The following ITPR3 variants were observed in gnomAD, a reference collection of about 807,000 sequenced individuals.
ITPR3 encodes the protein inositol 1,4,5-trisphosphate-gated calcium channel ITPR3.
ITPR3 carries 173 observed loss-of-function variants against 293.2 expected under a neutral mutation model. The observed-to-expected ratio is 0.59, with a 90% CI of 0.52 to 0.67. ITPR3 has a LOEUF of 0.67. ITPR3 is among the 30% of genes least tolerant of loss of function. The pLI, the probability that ITPR3 is intolerant of heterozygous loss-of-function variation, is 0.00. For synonymous variants in ITPR3, 1,295 were observed against 1,444.4 expected (o/e 0.90, Z 2.35); for missense variants, 2,796 against 3,592.1 (o/e 0.78, Z 5.66).
chr6:33,626,545 G>A (rs1247125683), intron 1 of ITPR3, among the ~76,000 whole-genome samples: 1 of 152,216 alleles, frequency 6.6e-6, no homozygotes, highest in East Asian at 1.9e-4. Context: ...CCTCAGCCCA[G>A]AAGGCCCATC....
rs533957739 is a variant in ITPR3, at chr6:33,632,710, A to C, written c.90-7774A>C. ...CATCCTCCTGCTCCCTCTGCTGTTC[A>C]GACTGGTCTTGTGCCTCCCAGTGGA... is the stretch of plus-strand genomic sequence containing the variant. On this transcript the variant is annotated intron_variant, in intron 1 of 57. Transcript: ENST00000605930. This position sits in a 1 kb window ranked among gnomAD's most constrained non-coding sequence, Gnocchi z 4.1. Among the ~76,000 whole-genome samples, 29 of 152,320 alleles carry C rather than the reference A, an allele frequency of 1.9e-4. No homozygotes were observed. Among genetic ancestry groups the C allele is most frequent in the Non-Finnish European group, 4.0e-4 (27 of 68,030 alleles).
intron 30 of ITPR3, 41 bp downstream of exon 30, chr6:33,678,880 G>C: frequency 6.3e-7 from 1 of 1,576,512 alleles, no homozygotes. Flanking sequence ...TCTTGGGGTG[G>C]GGGACCGGAG....
In ITPR3 at chr6:33,678,632, A is replaced by C. The variant is rs1764979683; in HGVS notation, c.3772-7A>C. On this transcript the variant is annotated splice_polypyrimidine_tract_variant and splice_region_variant and intron_variant, in intron 29 of 57. Transcript: ENST00000605930. Reference sequence around the variant, plus strand: ...GATCTCTTTCTGACAGATGCCCCCCACTGCAGCTCCTGGAGGCAGAGACCA... The same window carrying C: ...GATCTCTTTCTGACAGATGCCCCCCCCTGCAGCTCCTGGAGGCAGAGACCA... 1 of 1,610,308 alleles carries C rather than the reference A, an allele frequency of 6.2e-7. No individual in the cohort carries two copies. Among genetic ancestry groups the C allele is most frequent in the South Asian group, 1.1e-5 (1 of 90,516 alleles).
chr6:33,641,861 A>T (rs1289495622), intron 2 of ITPR3, among the ~76,000 whole-genome samples: 2 of 151,828 alleles, frequency 1.3e-5, no homozygotes, highest in Non-Finnish European at 2.9e-5. Flanking sequence ...TTCCCTGACC[A>T]CTCAATACAA....
intron 1 of ITPR3, among the ~76,000 whole-genome samples, chr6:33,639,834 A>C (rs893521761): frequency 3.9e-5 from 6 of 152,102 alleles, no homozygotes; most frequent in Non-Finnish European, 7.4e-5. Context: ...CAAGAGATGC[A>C]AGATTAATGC....
At chr6:33,657,815 C>CTGTGTG (rs3831080) in intron 3 of ITPR3, 117 bp from the exon 4 acceptor site, 12 of 708,774 alleles carry the variant, frequency 1.7e-5, no homozygotes, top group South Asian at 5.1e-5. Flanking sequence ...TCCAGGGTGA[C>CTGTGTG]TGTGTGTGTG....
intron 16 of ITPR3, among the ~76,000 whole-genome samples, 160 bp downstream of exon 16, chr6:33,668,124 C>A (rs907083212): frequency 4.6e-5 from 7 of 152,208 alleles, no homozygotes; most frequent in African/African-American, 1.7e-4. Flanking sequence ...GCCTCCCTAG[C>A]CCTTCTCTGG....
chr6:33,621,735 G>C lies in ITPR3; in HGVS notation c.89+44G>C, dbSNP rs749543690. 6.9e-7 allele frequency: 1 copy of C among 1,457,980 alleles called. No individual in the cohort carries two copies. Among genetic ancestry groups the C allele is most frequent in the Non-Finnish European group, 9.4e-7 (1 of 1,058,676 alleles). The allele number at this position is 1,457,980 out of a possible 1,614,324, so 90.3% of individuals were successfully genotyped here. ...AGAGGGGCGCGGGTAAAGAGGGGGC[G>C]CCGTGGGCCCTGGTGCCAGCTGCGT... is the stretch of plus-strand genomic sequence containing the variant. On this transcript the variant is annotated intron_variant, in intron 1 of 57. Transcript: ENST00000605930. The surrounding 1 kb of genome is among the most constrained non-coding windows in gnomAD (Gnocchi z 7.7).
intron 6 of ITPR3, among the ~76,000 whole-genome samples, 167 bp downstream of exon 6, chr6:33,659,286 C>T (rs2127263692): frequency 6.6e-6 from 1 of 152,312 alleles, no homozygotes; most frequent in Non-Finnish European, 1.5e-5. Flanking sequence ...CCCTCATTCT[C>T]CACCCCACAG....
In ITPR3 at chr6:33,655,649, G is replaced by C. The variant is rs147568121; in HGVS notation, c.161-117G>C. The C allele has an allele frequency of 1.5e-6, 2 of 1,352,506 alleles. No homozygotes were observed. Among genetic ancestry groups the C allele is most frequent in the Non-Finnish European group, 2.0e-6 (2 of 981,444 alleles). The allele number at this position is 1,352,506 out of a possible 1,614,324, so 83.8% of individuals were successfully genotyped here. A position where few individuals can be genotyped will look rare whatever the true frequency, so the allele number is the denominator to read the frequency against. On this transcript the variant is annotated intron_variant, in intron 2 of 57. Coordinates refer to ENST00000605930, the MANE Select transcript of ITPR3 (RefSeq NM_002224.4). This position sits in a 1 kb window ranked among gnomAD's most constrained non-coding sequence, Gnocchi z 4.9. ...CAACCGCTTCCTCTCTACCTGCAGC[G>C]GGGAACGGGGGTGGGGAAGGGTTGG...
intron 31 of ITPR3, 37 bp downstream of exon 31, chr6:33,680,170 G>C: frequency 6.2e-7 from 1 of 1,602,158 alleles, no homozygotes; most frequent in African/African-American, 1.3e-5. Context: ...GGCTGGAGAT[G>C]GGGCGAAGGG....
chr6:33,636,879 C>T (rs1437747819), intron 1 of ITPR3, among the ~76,000 whole-genome samples: 2 of 152,084 alleles, frequency 1.3e-5, no homozygotes, highest in Admixed American at 1.3e-4. Context: ...TAAGCAGGTG[C>T]TGGAGGCCGG....
chr6:33,662,390 C>A (rs1467845888), intron 7 of ITPR3, 138 bp from the exon 8 acceptor site: 6 of 1,007,074 alleles, frequency 6.0e-6, no homozygotes, highest in Non-Finnish European at 8.6e-6. Context: ...GCTTGCATCC[C>A]CCTCTCTGTG....
In ITPR3 at chr6:33,678,536, C is replaced by T. The variant is rs866221796; in HGVS notation, c.3764C>T (p.Thr1255Met). The change falls in exon 29 of 58, where the codon ACG becomes ATG. Residue 1255 changes from threonine (T) to methionine (M), a missense_variant. Around this residue, in one of 8 missense-constraint regions of ITPR3, gnomAD observed 344 missense variants for 460.3 expected, o/e 0.75. Coordinates refer to ENST00000605930, the MANE Select transcript of ITPR3 (RefSeq NM_002224.4). ...LLHKHLHLFL[T>M]PGLLEAETMQ... ...CACAAACACCTGCACCTCTTCCTCA[C>T]GCCAGGGGTGAGGGTGCAGGGCTGG... 65 of 1,609,650 alleles carry T rather than the reference C, an allele frequency of 4.0e-5. No homozygotes were observed. In the East Asian group the frequency reaches 6.3e-4, roughly 16 times the overall value.
In ITPR3 at chr6:33,684,053, C is replaced by T. The variant is rs749869324; in HGVS notation, c.4822C>T (p.Pro1608Ser). 2 of 1,611,008 alleles carry T rather than the reference C, an allele frequency of 1.2e-6. No individual in the cohort carries two copies. Among genetic ancestry groups the T allele is most frequent in the African/African-American group, 1.3e-5 (1 of 74,972 alleles). ...IITALEERLK[P>S]LVQAELSVLV... ...CACAGCCCTGGAGGAGCGGCTGAAG[C>T]CCCTGGTACAGGCTGAGCTGTCCGT... The change falls in exon 36 of 58, where the codon CCC becomes TCC. Residue 1608 changes from proline to serine, a missense_variant. Around this residue, in one of 8 missense-constraint regions of ITPR3, gnomAD observed 704 missense variants for 797.5 expected, o/e 0.88. Coordinates refer to ENST00000605930, the MANE Select transcript of ITPR3 (RefSeq NM_002224.4). The surrounding 1 kb of genome is among the most constrained non-coding windows in gnomAD (Gnocchi z 4.2).
chr6:33,641,459 C>G (rs1763949535), intron 2 of ITPR3, among the ~76,000 whole-genome samples: 2 of 152,188 alleles, frequency 1.3e-5, no homozygotes, highest in Admixed American at 6.5e-5. Flanking sequence ...GGCTGGCTGG[C>G]TGGCGGCCGG....
At chr6:33,628,304 G>T (rs925193929) in intron 1 of ITPR3, among the ~76,000 whole-genome samples, 1 of 152,212 alleles carries the variant, frequency 6.6e-6, no homozygotes, top group African/African-American at 2.4e-5. Flanking sequence ...AACCTGGGGT[G>T]GGGGAAGGAG....
Position 33,664,967 on chromosome 6 carries a change from A to C in ITPR3, c.1246A>C (p.Met416Leu), listed in dbSNP as rs145039560. ...CGAGGAGGAGCGGCCCATCCGGCTC[A>C]TGGTGCGTGTCCCTGGGGTGGGGGT... ...DIEEERPIRL[M>L]LGTCPTKEDK... The change falls in exon 12 of 58, where the codon ATG (methionine) becomes CTG (leucine). Residue 416 changes from methionine (M) to leucine (L), a missense_variant and splice_region_variant. Physicochemically the swap from Met to Leu is conservative, Grantham distance 15. Around this residue, in one of 8 missense-constraint regions of ITPR3, gnomAD observed 955 missense variants for 1,180.8 expected, o/e 0.81. Coordinates refer to ENST00000605930, the MANE Select transcript of ITPR3 (RefSeq NM_002224.4). This position sits in a 1 kb window ranked among gnomAD's most constrained non-coding sequence, Gnocchi z 4.4. 1.6e-6 allele frequency: 1 copy of C among 628,710 alleles called. No individual in the cohort carries two copies. The highest frequency in any genetic ancestry group is 2.0e-5 in the Admixed American group (1 of 50,772). The allele number at this position is 628,710 out of a possible 1,614,324, so 38.9% of individuals were successfully genotyped here.
Position 33,654,026 on chromosome 6 carries a change from T to A in ITPR3, c.161-1740T>A, listed in dbSNP as rs1764252006. ...CTCACGCCTGTAATCCCAGCACTTT[T>A]GTAGGCCGAAGTGGGTGGATCACTT... On this transcript the variant is annotated intron_variant, in intron 2 of 57. Transcript: ENST00000605930. This position sits in a 1 kb window ranked among gnomAD's most constrained non-coding sequence, Gnocchi z 4.1. Among the ~76,000 whole-genome samples, 1 of 152,126 alleles carries A rather than the reference T, an allele frequency of 6.6e-6. No homozygotes were observed. The highest frequency in any genetic ancestry group is 1.5e-5 in the Non-Finnish European group (1 of 68,014).
Sources: allele counts gnomAD v4.1 joint callset (sites outside exome capture counted in the v4.1 genomes callset), GRCh38; gene constraint gnomAD v4.1.1; regional missense constraint gnomAD v4.1.1; non-coding constraint Gnocchi (gnomAD v3.1); transcripts MANE v1.5; gene names NCBI Gene and HGNC (gene_info 2026-07-23, HGNC 2026-07-21).